RTTN: variants seen among roughly 807,000 people sequenced by gnomAD.
RTTN encodes the protein rotatin.
A neutral mutation model predicts 269.2 loss-of-function variants in RTTN; 182 were observed. That is an observed-to-expected ratio of 0.68 (90% CI 0.60 to 0.76). RTTN has a LOEUF of 0.76. Among genes scored for constraint, RTTN ranks in the 30% least tolerant of loss-of-function variants. The pLI is 0.00. For missense variants in RTTN, 2,545 were observed against 2,608.6 expected (o/e 0.98, Z 0.53); for synonymous variants, 1,006 against 963.5 (o/e 1.04, Z -0.82).
chr18:70,026,441 C>T (rs2056855743), intron 43 of RTTN, among the ~76,000 whole-genome samples: 1 of 152,024 alleles, frequency 6.6e-6, no homozygotes, highest in Non-Finnish European at 1.5e-5. Flanking sequence ...GGTACCTCCT[C>T]GCCAGCTCTC....
At chr18:70,103,517 G>T (rs1010253017) in intron 28 of RTTN, among the ~76,000 whole-genome samples, 9 of 152,098 alleles carry the variant, frequency 5.9e-5, no homozygotes, top group African/African-American at 2.2e-4. Flanking sequence ...TGGATTAAGG[G>T]CGGTGCAAGA....
At position 70,112,856 on chromosome 18, in the gene RTTN, G is replaced by C. The variant is rs1168867357; in HGVS notation, c.3683+1589C>G. On this transcript the variant is annotated intron_variant, in intron 27 of 48. Coordinates refer to ENST00000640769, the MANE Select transcript of RTTN (RefSeq NM_173630.4). ...CAGAACTCTTCACCCCAAATCAACA[G>C]AATATACATTCTTCTTAGCACTTCA... 3.3e-5 allele frequency among the ~76,000 whole-genome samples: 5 copies of C among 152,150 alleles called. No homozygotes were observed. The East Asian group carries it at 9.6e-4, about 29-fold the overall frequency.
At chr18:70,060,066 AAT>A (rs1249720232) in intron 35 of RTTN, 24 bp from the exon 36 acceptor site, 1 of 1,565,454 alleles carries the variant, frequency 6.4e-7, no homozygotes, top group Non-Finnish European at 8.7e-7. Context: ...TAAACATAAG[AAT>A]TATTATTTAC....
chr18:70,127,569 A>C lies in RTTN; in HGVS notation c.3316T>G (p.Leu1106Val). ...CCACATGGACCAGGGCAACCCTTTAAAGACAATCTGTCATTCAGAAGATAA... is the reference window on the plus strand; with the variant it reads ...CCACATGGACCAGGGCAACCCTTTACAGACAATCTGTCATTCAGAAGATAA... The part of the protein sequence containing the change: ...SFYLLNDRLS[L>V]KGCPGPCGVT... The change falls in exon 25 of 49, where the codon TTA (leucine) becomes GTA (valine). Residue 1106 changes from leucine (L) to valine (V), a missense_variant. Leu to Val is a conservative substitution (Grantham distance 32, BLOSUM62 1). Coordinates refer to ENST00000640769, the MANE Select transcript of RTTN (RefSeq NM_173630.4). The C allele has an allele frequency of 6.2e-7, 1 of 1,613,520 alleles. No homozygotes were observed. Among genetic ancestry groups the C allele is most frequent in the Non-Finnish European group, 8.5e-7 (1 of 1,179,726 alleles).
At chr18:70,087,125 C>T (rs904243613) in intron 31 of RTTN, among the ~76,000 whole-genome samples, 3 of 151,900 alleles carry the variant, frequency 2.0e-5, no homozygotes, top group African/African-American at 7.3e-5. Flanking sequence ...AGACTCCTTT[C>T]AATAAAAACT....
In RTTN at chr18:70,057,822, C is replaced by T. The variant is rs1318607340; in HGVS notation, c.4951G>A (p.Ala1651Thr). Residue 1651 changes from alanine (A) to threonine (T), a missense_variant, in exon 37 of 49, where the codon GCT becomes ACT. By Grantham distance (58) the Ala-to-Thr change is moderately conservative. Coordinates refer to ENST00000640769, the MANE Select transcript of RTTN (RefSeq NM_173630.4). ...LIELLCSIAD[A>T]TLIQTCVQEL... ...TGGACACATGTCTGTATGAGGGTAG[C>T]ATCTGCAATGCTGTGACGATCAGAA... 3.7e-6 allele frequency: 6 copies of T among 1,612,762 alleles called. No individual in the cohort carries two copies. The highest frequency in any genetic ancestry group is 4.2e-6 in the Non-Finnish European group (5 of 1,178,950).
chr18:70,193,084 G>A (rs1309507749), intron 8 of RTTN: 2 of 503,868 alleles, frequency 4.0e-6, no homozygotes, highest in Non-Finnish European at 6.9e-6. Context: ...ACTGAGTTGC[G>A]ATGTAATATT....
chr18:70,017,733 C>G, intron 45 of RTTN, 59 bp from the exon 46 acceptor site: 1 of 1,375,500 alleles, frequency 7.3e-7, no homozygotes, highest in East Asian at 2.3e-5. Flanking sequence ...TTTTCCTAGT[C>G]CCTTGGTGAC....
chr18:70,191,555 G>A (rs752984369), intron 8 of RTTN, among the ~76,000 whole-genome samples: 6 of 152,068 alleles, frequency 3.9e-5, no homozygotes, highest in Non-Finnish European at 5.9e-5. Flanking sequence ...CCAAAAAAAC[G>A]GAACATCCCA....
intron 20 of RTTN, 66 bp downstream of exon 20, chr18:70,140,029 CTCAGT>C: frequency 9.9e-7 from 1 of 1,005,180 alleles, no homozygotes; most frequent in Non-Finnish European, 1.6e-6. Context: ...CCAAATTCTG[CTCAGT>C]TCAATTTCAG....
intron 25 of RTTN, among the ~76,000 whole-genome samples, chr18:70,125,871 A>C (rs1236406365): frequency 1.3e-5 from 2 of 152,030 alleles, no homozygotes; most frequent in Non-Finnish European, 2.9e-5. Flanking sequence ...TAAAGTTTTT[A>C]AAAAGTTTTC....
chr18:70,127,990 G>T (rs2059909220), intron 24 of RTTN: 1 of 472,860 alleles, frequency 2.1e-6, no homozygotes. Context: ...AGACAGATTA[G>T]AATATTAAGA....
rs570990509 is a variant in RTTN at position 70,157,186 on chromosome 18, C to T, written c.1930-6453G>A. ...CTCCCAAAGCACCGCCCCACGCCCC[C>T]CCAGAGCACTTTCTCGGGCAGTCAC... On this transcript the variant is annotated intron_variant, in intron 14 of 48. Transcript: ENST00000640769. Among the ~76,000 whole-genome samples, 4 of 152,302 alleles carry T rather than the reference C, an allele frequency of 2.6e-5. No homozygotes were observed. The South Asian group carries it at 8.3e-4, about 32-fold the overall frequency.
rs749131688 is a variant in RTTN, at chr18:70,188,228, G to A, written c.1190-5C>T. The A allele has an allele frequency of 5.4e-6, 8 of 1,492,976 alleles. 1 individual carries two copies. In the South Asian group the frequency reaches 5.8e-5, roughly 11 times the overall value. The allele number at this position is 1,492,976 out of a possible 1,614,324, so 92.5% of individuals were successfully genotyped here. On this transcript the variant is annotated splice_polypyrimidine_tract_variant and splice_region_variant and intron_variant, in intron 9 of 48. Coordinates refer to ENST00000640769, the MANE Select transcript of RTTN (RefSeq NM_173630.4). ...TTATTATCACTTGTCTGCTACCTAGGAATACAAACAGAAAAAAGTAAAGGA... is the reference window on the plus strand; with the variant it reads ...TTATTATCACTTGTCTGCTACCTAGAAATACAAACAGAAAAAAGTAAAGGA...
chr18:70,086,724 A>G lies in RTTN; in HGVS notation c.4303-40T>C, dbSNP rs1257238749. On this transcript the variant is annotated intron_variant, in intron 31 of 48. Transcript: ENST00000640769. ...AAAAAAAAAAAAAAAAAAAAAAAAAAAAAAAAAAAGGTCAATACTGCCATC... is the reference window on the plus strand; with the variant it reads ...AAAAAAAAAAAAAAAAAAAAAAAAAGAAAAAAAAAGGTCAATACTGCCATC... 5.2e-6 allele frequency: 6 copies of G among 1,147,276 alleles called. No individual in the cohort carries two copies. The African/African-American group carries it at 6.9e-5, about 13-fold the overall frequency. 71.1% of individuals were successfully genotyped at this position (1,147,276 alleles called of 1,614,324 possible).
At chr18:70,005,313 A>G (rs757897490) in intron 47 of RTTN, 46 bp from the exon 48 acceptor site, 2 of 1,377,608 alleles carry the variant, frequency 1.5e-6, no homozygotes, top group African/African-American at 1.4e-5. Flanking sequence ...GTTATGGATC[A>G]TGATAGCAAA....
intron 43 of RTTN, among the ~76,000 whole-genome samples, chr18:70,026,663 A>G (rs1382170807): frequency 6.6e-6 from 1 of 152,106 alleles, no homozygotes; most frequent in Non-Finnish European, 1.5e-5. Context: ...GCCTAATGCA[A>G]TCTCCAAATT....
chr18:70,047,940 A>G (rs2057538752), intron 40 of RTTN, 31 bp downstream of exon 40: 6 of 1,545,598 alleles, frequency 3.9e-6, no homozygotes, highest in Non-Finnish European at 5.4e-6. Context: ...AACGCTAAAT[A>G]AAGTTTTTGA....
chr18:70,028,153 A>G (rs2056906031), intron 43 of RTTN, among the ~76,000 whole-genome samples: 2 of 152,242 alleles, frequency 1.3e-5, no homozygotes, highest in Admixed American at 1.3e-4. Flanking sequence ...ACAAGATTAT[A>G]TCCTCTATAG....
Sources: gnomAD v4.1 joint callset for allele counts (sites outside exome capture counted in the v4.1 genomes callset) on GRCh38, gnomAD v4.1.1 for gene constraint, MANE v1.5 for transcripts, NCBI Gene and HGNC (gene_info 2026-07-23, HGNC 2026-07-21) for gene names.